The following GSG1L variants were observed in gnomAD, a reference collection of about 807,000 sequenced individuals.
The protein encoded by GSG1L is GSG1 like.
Under a neutral mutation model 42.1 loss-of-function variants are expected in GSG1L, and 24 were observed. The ratio of observed to expected loss-of-function variants is 0.57; its 90% CI spans 0.41 to 0.80. The LOEUF is 0.80. GSG1L is among the 30% of genes least tolerant of loss of function. GSG1L has a pLI of 0.00. For missense variants in GSG1L, 445 were observed against 472.2 expected, an observed-to-expected ratio of 0.94 and a Z score of 0.53; for synonymous variants, 215 against 203.5, an observed-to-expected ratio of 1.06 and a Z score of -0.48.
intron 1 of GSG1L, among the ~76,000 whole-genome samples, chr16:28,010,274 CATCTT>C (rs896738528): frequency 4.6e-5 from 7 of 152,300 alleles, no homozygotes; most frequent in African/African-American, 1.4e-4. Flanking sequence ...GAAGGGGCAG[CATCTT>C]ATCTTGACAC....
chr16:27,835,051 T>A (rs537612309), intron 4 of GSG1L, among the ~76,000 whole-genome samples: 1 of 152,294 alleles, frequency 6.6e-6, no homozygotes, highest in East Asian at 1.9e-4. Flanking sequence ...AGTTCTTTTA[T>A]ATCCTTGGTG....
chr16:27,873,972 A>C (rs1306656017), intron 3 of GSG1L, among the ~76,000 whole-genome samples: 1 of 152,210 alleles, frequency 6.6e-6, no homozygotes, highest in Non-Finnish European at 1.5e-5. Flanking sequence ...AAGACTTCCC[A>C]GGCCTCTCCC....
At chr16:27,893,326 G>C in intron 2 of GSG1L, among the ~76,000 whole-genome samples, 1 of 152,154 alleles carries the variant, frequency 6.6e-6, no homozygotes, top group East Asian at 1.9e-4. Context: ...CTTGCTGAGA[G>C]AGCTTCCAGG....
At chr16:27,980,901 C>CAAAAAAAAA (rs11390148) in intron 1 of GSG1L, among the ~76,000 whole-genome samples, 640 of 124,528 alleles carry the variant, frequency 5.1e-3, no homozygotes, top group Middle Eastern at 0.018. Context: ...AACCAAAAAA[C>CAAAAAAAAA]AAAAAAAAAA....
intron 3 of GSG1L, among the ~76,000 whole-genome samples, chr16:27,859,646 T>C (rs537845268): frequency 6.6e-6 from 1 of 152,340 alleles, no homozygotes; most frequent in African/African-American, 2.4e-5. Flanking sequence ...GAGCAGGAGT[T>C]GGTTTTCTAT....
chr16:27,967,912 C>A (rs1243405454), intron 1 of GSG1L, among the ~76,000 whole-genome samples: 1 of 151,758 alleles, frequency 6.6e-6, no homozygotes, highest in Non-Finnish European at 1.5e-5. Context: ...GACTCCATCT[C>A]AAAAAAATAT....
At chr16:27,907,672 A>G (rs2084335538) in intron 2 of GSG1L, among the ~76,000 whole-genome samples, 1 of 152,158 alleles carries the variant, frequency 6.6e-6, no homozygotes, top group Admixed American at 6.5e-5. Context: ...TGAGCAATTA[A>G]CCTTTCTGCA....
chr16:27,912,647 T>C (rs996331504), intron 2 of GSG1L, among the ~76,000 whole-genome samples: 4 of 152,230 alleles, frequency 2.6e-5, no homozygotes, highest in Non-Finnish European at 5.9e-5. Flanking sequence ...GGTGAGAATG[T>C]GGGAGTGGCT....
At chr16:28,000,305 C>A (rs2085567772) in intron 1 of GSG1L, among the ~76,000 whole-genome samples, 1 of 152,162 alleles carries the variant, frequency 6.6e-6, no homozygotes, top group African/African-American at 2.4e-5. Context: ...TCGTCTCTAC[C>A]AAATAATGCT....
chr16:27,919,590 C>T (rs1024397495), intron 2 of GSG1L, among the ~76,000 whole-genome samples: 2 of 152,184 alleles, frequency 1.3e-5, no homozygotes, highest in Non-Finnish European at 2.9e-5. Context: ...CATCTAGCTT[C>T]CTAGAATCCA....
At chr16:27,901,440 T>C (rs527992557) in intron 2 of GSG1L, among the ~76,000 whole-genome samples, 193 of 152,278 alleles carry the variant, frequency 1.3e-3, no homozygotes, top group African/African-American at 4.3e-3. Context: ...AGTTCTTAGA[T>C]CCTGAATCCT....
intron 2 of GSG1L, among the ~76,000 whole-genome samples, chr16:27,926,983 A>AG (rs2084601128): frequency 6.6e-6 from 1 of 152,174 alleles, no homozygotes. Flanking sequence ...TGACGCCAGA[A>AG]GCCAAGCCCT....
intron 3 of GSG1L, among the ~76,000 whole-genome samples, chr16:27,867,736 G>C (rs1379247154): frequency 6.6e-6 from 1 of 152,068 alleles, no homozygotes; most frequent in African/African-American, 2.4e-5. Context: ...TACCTGCAGC[G>C]CACCCACCCT....
At chr16:28,025,977 G>C (rs1390283877) in intron 1 of GSG1L, among the ~76,000 whole-genome samples, 2 of 152,234 alleles carry the variant, frequency 1.3e-5, no homozygotes, top group Non-Finnish European at 2.9e-5. Context: ...GGCCTTGCCA[G>C]ACAACCTGCA....
At chr16:27,865,542 T>C (rs1341747798) in intron 3 of GSG1L, among the ~76,000 whole-genome samples, 3 of 16,086 alleles carry the variant, frequency 1.9e-4, no homozygotes, top group African/African-American at 1.3e-3. Context: ...TATATATATA[T>C]ATATATATAT....
intron 5 of GSG1L, among the ~76,000 whole-genome samples, chr16:27,823,483 G>A (rs116009545): frequency 0.014 from 2,196 of 152,146 alleles, 45 homozygotes; most frequent in African/African-American, 0.049. Flanking sequence ...GGTGGGAAAG[G>A]GACAGTTTAA....
intron 1 of GSG1L, among the ~76,000 whole-genome samples, chr16:27,985,576 G>A (rs1421689669): frequency 8.6e-5 from 13 of 152,006 alleles, no homozygotes; most frequent in Admixed American, 8.5e-4. Context: ...GGGCACGGTG[G>A]CTCATGCCTG....
chr16:27,966,334 T>C (rs999127441), intron 1 of GSG1L, among the ~76,000 whole-genome samples: 2 of 152,124 alleles, frequency 1.3e-5, no homozygotes, highest in African/African-American at 4.8e-5. Context: ...CGAGACCCCA[T>C]TTCTACAAAA....
At chr16:28,029,867 CGTGT>C (rs147993796) in intron 1 of GSG1L, among the ~76,000 whole-genome samples, 1 of 151,418 alleles carries the variant, frequency 6.6e-6, no homozygotes, top group African/African-American at 2.4e-5. Context: ...ACAAGGATAG[CGTGT>C]GTGTGTGTGT....
Sources: gnomAD v4.1 joint callset for allele counts (sites outside exome capture counted in the v4.1 genomes callset) on GRCh38, gnomAD v4.1.1 for gene constraint, MANE v1.5 for transcripts, NCBI Gene and HGNC (gene_info 2026-07-23, HGNC 2026-07-21) for gene names.